The following ZBTB7A variants were observed in gnomAD, a reference collection of about 807,000 sequenced individuals.
The protein encoded by ZBTB7A is zinc finger and BTB domain-containing protein 7A.
In ZBTB7A, 7 loss-of-function variants were observed where a neutral mutation model predicts 26.7. The observed-to-expected ratio is 0.26, with a 90% CI of 0.15 to 0.49. ZBTB7A has a LOEUF of 0.49. Ranked by LOEUF, ZBTB7A falls within the 20% of genes least tolerant of loss-of-function variation. The pLI, the probability that ZBTB7A is intolerant of heterozygous loss-of-function variation, is 0.98. For missense variants in ZBTB7A, 617 were observed against 919.5 expected (o/e 0.67, Z 4.25); for synonymous variants, 452 against 441.0 (o/e 1.02, Z -0.31).
At chr19:4,055,531 C>T in intron 1 of ZBTB7A, 1 of 971,108 alleles carries the variant, frequency 1.0e-6, no homozygotes, top group Non-Finnish European at 1.2e-6. Flanking sequence ...GGTCTCAAAC[C>T]CCTGGCCTCG....
intron 2 of ZBTB7A, 29 bp downstream of exon 2, chr19:4,053,942 C>T: frequency 5.8e-6 from 9 of 1,563,220 alleles, no homozygotes; most frequent in Non-Finnish European, 6.0e-6. Flanking sequence ...GAGAGCAGGA[C>T]GGCGCCTCCC....
rs1272576372 is a variant in ZBTB7A, at chr19:4,052,310, A to G, written c.1262+1661T>C. On this transcript the variant is annotated intron_variant, in intron 2 of 2. Coordinates refer to ENST00000322357, the MANE Select transcript of ZBTB7A (RefSeq NM_015898.4). This position sits in a 1 kb window ranked among gnomAD's most constrained non-coding sequence, Gnocchi z 4.9. ...ACCAAGCTGCTCTTCCTGAGCTCAG[A>G]GACGAACCCACAGTGACCCCTGCCT... is the stretch of plus-strand genomic sequence containing the variant. 6.6e-6 allele frequency among the ~76,000 whole-genome samples: 1 copy of G among 152,114 alleles called. No homozygotes were observed. The highest frequency in any genetic ancestry group is 1.5e-5 in the Non-Finnish European group (1 of 68,006).
rs1181215162 is a variant in ZBTB7A at position 4,049,168 on chromosome 19, GTA to G, written c.1263-926_1263-925del. On this transcript the variant is annotated intron_variant, in intron 2 of 2. Transcript: ENST00000322357. ...ACTATATGTGTGTGTGTGTGTGTGTGTATATATATATATATATATATATATAT... is the reference window on the plus strand; with the variant it reads ...ACTATATGTGTGTGTGTGTGTGTGTGTATATATATATATATATATATATAT... Among the ~76,000 whole-genome samples, 16 of 14,960 alleles carry G rather than the reference GTA, an allele frequency of 1.1e-3. No homozygotes were observed. In the East Asian group the frequency reaches 0.015, roughly 14 times the overall value. 9.8% of individuals were successfully genotyped at this position (14,960 alleles called of 152,430 possible).
chr19:4,048,724 G>T lies in ZBTB7A; in HGVS notation c.1263-480C>A, dbSNP rs542578848. 6.6e-6 allele frequency among the ~76,000 whole-genome samples: 1 copy of T among 151,984 alleles called. No homozygotes were observed. The highest frequency in any genetic ancestry group is 2.4e-5 in the African/African-American group (1 of 41,432). On this transcript the variant is annotated intron_variant, in intron 2 of 2. Transcript: ENST00000322357. This position sits in a 1 kb window ranked among gnomAD's most constrained non-coding sequence, Gnocchi z 6.7. The stretch of plus-strand genomic sequence containing the variant: ...AAAAATCAGCCGGGCATGGTAGCAG[G>T]CGCCCGTAATGCCAGCTATTAGGAA...
At chr19:4,066,048 G>GACTTGT (rs1241858242) in intron 1 of ZBTB7A, among the ~76,000 whole-genome samples, 2 of 150,120 alleles carry the variant, frequency 1.3e-5, no homozygotes, top group African/African-American at 2.4e-5. Flanking sequence ...GGCACCCTGG[G>GACTTGT]ACTTGTAGTC....
At position 4,046,331 on chromosome 19, in the gene ZBTB7A, G is replaced by A. The variant is rs1196882266; in HGVS notation, c.*1421C>T. 1 of 333,016 alleles carries A rather than the reference G, an allele frequency of 3.0e-6. No individual in the cohort carries two copies. The highest frequency in any genetic ancestry group is 2.1e-5 in the African/African-American group (1 of 46,516). The allele number at this position is 333,016 out of a possible 1,614,324, so 20.6% of individuals were successfully genotyped here. ...TTTGGGGAACAGAAGTGGATTCTAC[G>A]TTTGTGGTGGGTTTTTTTTTTTATT... On this transcript the variant is annotated 3_prime_UTR_variant, in exon 3 of 3. Coordinates refer to ENST00000322357, the MANE Select transcript of ZBTB7A (RefSeq NM_015898.4).
intron 2 of ZBTB7A, among the ~76,000 whole-genome samples, chr19:4,051,628 G>A (rs939114046): frequency 2.6e-4 from 40 of 152,222 alleles, no homozygotes; most frequent in Non-Finnish European, 5.1e-4. Flanking sequence ...GCCTAACCAG[G>A]TCTGTTACCA....
At position 4,047,890 on chromosome 19, in the gene ZBTB7A, C is replaced by T; in HGVS notation, c.1617G>A (p.Lys539=). Residue 539 remains lysine (K), a synonymous_variant, in exon 3 of 3, where the codon AAG becomes AAA. Transcript: ENST00000322357. ...CCACGTCCTCGTCCTCGTCCTCGTC[C>T]TTAAAGTGCTTCTCCTGGCCGTTGC... is the stretch of plus-strand genomic sequence containing the variant. ...ARRNGQEKHF[K]DEDEDEDVAS... is the part of the protein sequence containing the mutation. 1 of 1,586,692 alleles carries T rather than the reference C, an allele frequency of 6.3e-7. No homozygotes were observed. Among genetic ancestry groups the T allele is most frequent in the Non-Finnish European group, 8.6e-7 (1 of 1,168,326 alleles).
rs1265213875 is a variant in ZBTB7A at position 4,049,211 on chromosome 19, T to TATATATATATATATATATA, written c.1263-968_1263-967insTATATATATATATATATAT. The stretch of plus-strand genomic sequence containing the variant: ...ATATATATATATATATATATATATG[T>TATATATATATATATATATA]AAGTTTGAGAGATGGGGGTTGAGCT... On this transcript the variant is annotated intron_variant, in intron 2 of 2. Transcript: ENST00000322357. Among the ~76,000 whole-genome samples, 133 of 43,120 alleles carry TATATATATATATATATATA rather than the reference T, an allele frequency of 3.1e-3. 32 individuals are homozygous for TATATATATATATATATATA. The highest frequency in any genetic ancestry group is 5.4e-3 in the Non-Finnish European group (96 of 17,772). The allele number at this position is 43,120 out of a possible 152,430, so 28.3% of individuals were successfully genotyped here. A position where few individuals can be genotyped will look rare whatever the true frequency, so the allele number is the denominator to read the frequency against.
rs1483348741 is a variant in ZBTB7A, at chr19:4,048,601, C to T, written c.1263-357G>A. On this transcript the variant is annotated intron_variant, in intron 2 of 2. Coordinates refer to ENST00000322357, the MANE Select transcript of ZBTB7A (RefSeq NM_015898.4). The surrounding 1 kb of genome is among the most constrained non-coding windows in gnomAD (Gnocchi z 6.7). ...ATCCCAGCACTTTGGGAGGCCGAGG[C>T]GGGCGGATCACTTGAGGCCAGGAGT... Among the ~76,000 whole-genome samples, 4 of 151,794 alleles carry T rather than the reference C, an allele frequency of 2.6e-5. No individual in the cohort carries two copies. Among genetic ancestry groups the T allele is most frequent in the Non-Finnish European group, 4.4e-5 (3 of 67,968 alleles).
intron 2 of ZBTB7A, among the ~76,000 whole-genome samples, chr19:4,053,124 AAG>A (rs2040521641): frequency 6.6e-6 from 1 of 152,244 alleles, no homozygotes; most frequent in African/African-American, 2.4e-5. Flanking sequence ...AAAAGTGCAG[AAG>A]AGAAGAACCA....
At chr19:4,061,234 C>A (rs2040634735) in intron 1 of ZBTB7A, among the ~76,000 whole-genome samples, 1 of 152,206 alleles carries the variant, frequency 6.6e-6, no homozygotes, top group Admixed American at 6.5e-5. Context: ...TCCTCACCTA[C>A]CAAGGGAGTG....
At chr19:4,059,898 C>T (rs1197290344) in intron 1 of ZBTB7A, among the ~76,000 whole-genome samples, 4 of 152,148 alleles carry the variant, frequency 2.6e-5, no homozygotes, top group African/African-American at 4.8e-5. Context: ...AAAAAGTCCC[C>T]GAGTGCTGAA....
At chr19:4,066,578 C>T (rs1176007632) in intron 1 of ZBTB7A, 104 bp downstream of exon 1, 3 of 152,062 alleles carry the variant, frequency 2.0e-5, no homozygotes, top group African/African-American at 7.2e-5. Context: ...ACGTCCCCGG[C>T]TCCCCGGATC....
intron 1 of ZBTB7A, among the ~76,000 whole-genome samples, chr19:4,059,197 C>A (rs2040614721): frequency 6.6e-6 from 1 of 152,248 alleles, no homozygotes; most frequent in Non-Finnish European, 1.5e-5. Context: ...GCCACCAACG[C>A]CCCAAGATGG....
At chr19:4,053,049 G>C (rs1010172681) in intron 2 of ZBTB7A, among the ~76,000 whole-genome samples, 1 of 152,218 alleles carries the variant, frequency 6.6e-6, no homozygotes, top group Non-Finnish European at 1.5e-5. Context: ...TCCACGGCCT[G>C]GGCTGTCCCT....
intron 2 of ZBTB7A, among the ~76,000 whole-genome samples, chr19:4,049,211 T>TATA (rs1265213875): frequency 0.023 from 990 of 42,846 alleles, 181 homozygotes; most frequent in East Asian, 0.17. Flanking sequence ...TATATATATG[T>TATA]AAGTTTGAGA....
rs1048155931 is a variant in ZBTB7A, at chr19:4,052,716, C to T, written c.1262+1255G>A. On this transcript the variant is annotated intron_variant, in intron 2 of 2. Transcript: ENST00000322357. The surrounding 1 kb of genome is among the most constrained non-coding windows in gnomAD (Gnocchi z 4.9). The stretch of plus-strand genomic sequence containing the variant: ...ACCGCTACAGCCCGCCCCGGATCTA[C>T]GAGGCCCAGCCAGCCACCTCTGGAC... 2.0e-5 allele frequency among the ~76,000 whole-genome samples: 3 copies of T among 152,168 alleles called. No homozygotes were observed. Among genetic ancestry groups the T allele is most frequent in the Non-Finnish European group, 2.9e-5 (2 of 68,016 alleles).
intron 2 of ZBTB7A, among the ~76,000 whole-genome samples, chr19:4,049,164 GTGTGTATATATATATA>G (rs1453572882): frequency 0.02 from 423 of 21,166 alleles, 13 homozygotes; most frequent in African/African-American, 0.039. Flanking sequence ...GTGTGTGTGT[GTGTGTATATATATATA>G]TATATATATA....
Sources: gnomAD v4.1 joint callset for allele counts (sites outside exome capture counted in the v4.1 genomes callset) on GRCh38, gnomAD v4.1.1 for gene constraint, Gnocchi (gnomAD v3.1) non-coding constraint, MANE v1.5 for transcripts, NCBI Gene and HGNC (gene_info 2026-07-23, HGNC 2026-07-21) for gene names.